DISC1: variants seen among roughly 807,000 people sequenced by gnomAD.
The protein encoded by DISC1 is disrupted in schizophrenia 1 protein.
In DISC1, 57 loss-of-function variants were observed where a neutral mutation model predicts 84.5. The ratio of observed to expected loss-of-function variants is 0.67; its 90% CI spans 0.55 to 0.84. The LOEUF is 0.84. DISC1 is among the 40% of genes least tolerant of loss of function. The pLI is 0.00. For missense variants in DISC1, 1,000 were observed against 1,057.8 expected, an observed-to-expected ratio of 0.95 and a Z score of 0.76; for synonymous variants, 411 against 415.2, an observed-to-expected ratio of 0.99 and a Z score of 0.12.
At chr1:231,710,982 A>C (rs531262868) in intron 3 of DISC1, among the ~76,000 whole-genome samples, 1 of 152,180 alleles carries the variant, frequency 6.6e-6, no homozygotes, top group Non-Finnish European at 1.5e-5. Flanking sequence ...TAGTTTGACT[A>C]TCTGTGGTCA....
intron 10 of DISC1, among the ~76,000 whole-genome samples, chr1:231,969,048 A>G (rs1163612452): frequency 6.6e-6 from 1 of 152,158 alleles, no homozygotes; most frequent in Admixed American, 6.5e-5. Context: ...ACATTAAAAA[A>G]CAAGTTTTAT....
intron 1 of DISC1, among the ~76,000 whole-genome samples, chr1:231,688,694 C>T (rs546463307): frequency 6.6e-6 from 1 of 152,278 alleles, no homozygotes; most frequent in East Asian, 1.9e-4. Flanking sequence ...ATTCCTGTAA[C>T]AGTTTTTATA....
chr1:231,715,923 G>C (rs2125058968), intron 3 of DISC1, among the ~76,000 whole-genome samples: 1 of 152,302 alleles, frequency 6.6e-6, no homozygotes, highest in East Asian at 1.9e-4. Flanking sequence ...TGGGTGAGGA[G>C]ACCAGAATGT....
chr1:231,963,895 A>G (rs978464987), intron 10 of DISC1, among the ~76,000 whole-genome samples: 1 of 152,142 alleles, frequency 6.6e-6, no homozygotes, highest in Non-Finnish European at 1.5e-5. Flanking sequence ...GGCTGCATGC[A>G]CTGGTAATTA....
chr1:231,923,121 CA>C (rs2090107004), intron 9 of DISC1, among the ~76,000 whole-genome samples: 1 of 151,512 alleles, frequency 6.6e-6, no homozygotes, highest in Admixed American at 6.6e-5. Context: ...ACTAAAAACA[CA>C]CACACAAAAA....
At chr1:231,841,974 C>T (rs1182972518) in intron 9 of DISC1, among the ~76,000 whole-genome samples, 3 of 152,102 alleles carry the variant, frequency 2.0e-5, no homozygotes, top group African/African-American at 7.2e-5. Context: ...ATTTCCCTAG[C>T]CTCTGTGCCA....
intron 4 of DISC1, among the ~76,000 whole-genome samples, chr1:231,753,624 G>C (rs1315027937): frequency 6.6e-6 from 1 of 152,190 alleles, no homozygotes; most frequent in Non-Finnish European, 1.5e-5. Context: ...TTAGCACTCA[G>C]CTCCTTTTTA....
intron 4 of DISC1, among the ~76,000 whole-genome samples, chr1:231,765,378 T>C (rs1263368098): frequency 6.6e-6 from 1 of 152,192 alleles, no homozygotes; most frequent in African/African-American, 2.4e-5. Flanking sequence ...CACGCTCAGC[T>C]GTATTCCATC....
At chr1:231,983,035 G>C (rs1663844833) in intron 10 of DISC1, among the ~76,000 whole-genome samples, 1 of 152,152 alleles carries the variant, frequency 6.6e-6, no homozygotes, top group African/African-American at 2.4e-5. Context: ...CCACCCATAG[G>C]ACTGAGATAC....
At chr1:231,676,320 C>T (rs2063151226) in intron 1 of DISC1, among the ~76,000 whole-genome samples, 2 of 152,198 alleles carry the variant, frequency 1.3e-5, no homozygotes, top group African/African-American at 4.8e-5. Flanking sequence ...TGGGACCTTC[C>T]CTGTGACCAT....
At chr1:231,801,843 G>C (rs2079291118) in intron 8 of DISC1, among the ~76,000 whole-genome samples, 2 of 148,212 alleles carry the variant, frequency 1.3e-5, no homozygotes, top group African/African-American at 5.0e-5. Flanking sequence ...TTTTGAGTCA[G>C]AGTCTCGTTC....
chr1:231,750,634 A>G (rs2074511196), intron 4 of DISC1: 1 of 973,172 alleles, frequency 1.0e-6, no homozygotes. Flanking sequence ...TTTAAAACCT[A>G]CCAATGTCCA....
intron 10 of DISC1, among the ~76,000 whole-genome samples, chr1:231,960,272 T>A (rs190359404): frequency 0.011 from 1,689 of 152,012 alleles, 10 homozygotes; most frequent in Middle Eastern, 0.041. Context: ...TTATTTATTT[T>A]GAGATGAAGT....
At position 231,770,918 on chromosome 1, in the gene DISC1, G is replaced by A; in HGVS notation, c.1482G>A (p.Glu494=). The stretch of plus-strand genomic sequence containing the variant: ...TGAGAAGGGAAATAGAGGAGCAAGA[G>A]CAGCAACTCCAGTGGCAGGGCTGCG... ...QQLRREIEEQ[E]QQLQWQGCDL... The change falls in exon 6 of 13, where the codon GAG becomes GAA. Residue 494 remains glutamate (E), a synonymous_variant. Coordinates refer to ENST00000439617, the MANE Select transcript of DISC1 (RefSeq NM_018662.3). The A allele has an allele frequency of 6.2e-7, 1 of 1,614,222 alleles. No individual in the cohort carries two copies. The highest frequency in any genetic ancestry group is 8.5e-7 in the Non-Finnish European group (1 of 1,180,042).
chr1:231,977,121 T>G (rs911186165), intron 10 of DISC1, among the ~76,000 whole-genome samples: 2 of 152,210 alleles, frequency 1.3e-5, no homozygotes, highest in East Asian at 3.8e-4. Flanking sequence ...GAAATTATAA[T>G]GAGCCCCATG....
intron 3 of DISC1, among the ~76,000 whole-genome samples, chr1:231,708,388 G>C (rs902133465): frequency 1.3e-5 from 2 of 152,196 alleles, no homozygotes; most frequent in African/African-American, 4.8e-5. Context: ...TTATAACAAC[G>C]TTGACTTTGT....
intron 1 of DISC1, among the ~76,000 whole-genome samples, chr1:231,657,636 C>A (rs2061219689): frequency 6.6e-6 from 1 of 152,120 alleles, no homozygotes; most frequent in African/African-American, 2.4e-5. Flanking sequence ...AGTCTTTAAT[C>A]CATCTTGAAT....
intron 1 of DISC1, among the ~76,000 whole-genome samples, chr1:231,678,895 C>T (rs2063425571): frequency 6.6e-6 from 1 of 151,956 alleles, no homozygotes. Flanking sequence ...CCAGGATGGT[C>T]TCGATCTCCT....
chr1:231,665,911 T>G (rs962445235), intron 1 of DISC1, among the ~76,000 whole-genome samples: 4 of 152,200 alleles, frequency 2.6e-5, no homozygotes, highest in African/African-American at 9.7e-5. Flanking sequence ...CCAGATTGTT[T>G]TCAGAGCGGC....
Sources: gnomAD v4.1 joint callset for allele counts (sites outside exome capture counted in the v4.1 genomes callset) on GRCh38, gnomAD v4.1.1 for gene constraint, MANE v1.5 for transcripts, NCBI Gene and HGNC (gene_info 2026-07-23, HGNC 2026-07-21) for gene names.